NSD1: variants seen among roughly 807,000 people sequenced by gnomAD.
The protein encoded by NSD1 is nuclear receptor binding SET domain protein 1.
NSD1 carries 26 observed loss-of-function variants against 242.7 expected under a neutral mutation model. The observed-to-expected ratio is 0.11, with a 90% CI of 0.08 to 0.15. The LOEUF is 0.15. Among genes scored for constraint, NSD1 ranks in the 10% least tolerant of loss-of-function variants. The pLI is 1.00. For missense variants in NSD1, 2,495 were observed against 3,272.8 expected (o/e 0.76, Z 5.80); for synonymous variants, 1,106 against 1,178.1 (o/e 0.94, Z 1.25).
At chr5:177,214,352 TAAAC>T (rs988059901) in intron 5 of NSD1, among the ~76,000 whole-genome samples, 8 of 152,066 alleles carry the variant, frequency 5.3e-5, no homozygotes, top group Non-Finnish European at 7.4e-5. Flanking sequence ...CATTTCAAAA[TAAAC>T]AAACAAAAAA....
At position 177,294,690 on chromosome 5, in the gene NSD1, C is replaced by T. The variant is rs1463435220; in HGVS notation, c.7322C>T (p.Pro2441Leu). 1 of 1,614,238 alleles carries T rather than the reference C, an allele frequency of 6.2e-7. No individual in the cohort carries two copies. Among genetic ancestry groups the T allele is most frequent in the African/African-American group, 1.3e-5 (1 of 75,060 alleles). ...GTAGCTAAAGAAAAAGCACTGAGGC[C>T]TGTGGACCAGAATACTCAGTCAAAA... Reference protein sequence around the residue: ...TLVAKEKALRPVDQNTQSKNR... With the variant: ...TLVAKEKALRLVDQNTQSKNR... The change falls in exon 23 of 23, where the codon CCT becomes CTT. Residue 2441 changes from proline (P) to leucine (L), a missense_variant. Physicochemically the swap from Pro to Leu is moderately conservative, Grantham distance 98. This residue lies in a region of NSD1 where 475 missense variants were observed against 563.7 expected (regional missense o/e 0.84). Coordinates refer to ENST00000439151, the MANE Select transcript of NSD1 (RefSeq NM_022455.5).
chr5:177,236,819 A>G (rs1180117416), intron 6 of NSD1, among the ~76,000 whole-genome samples: 1 of 152,220 alleles, frequency 6.6e-6, no homozygotes, highest in Non-Finnish European at 1.5e-5. Context: ...TTTTATTCCC[A>G]TCAGCCATTC....
upstream of NSD1, among the ~76,000 whole-genome samples, chr5:177,132,864 G>A (rs925477458): frequency 6.6e-6 from 1 of 152,132 alleles, no homozygotes; most frequent in South Asian, 2.1e-4. This position sits in a 1 kb window ranked among gnomAD's most constrained non-coding sequence, Gnocchi z 7.5. Flanking sequence ...GCAGGGCCGA[G>A]TCCCCGGCCC....
intron 2 of NSD1, among the ~76,000 whole-genome samples, chr5:177,189,148 A>AT (rs1761477285): frequency 6.6e-6 from 1 of 152,206 alleles, no homozygotes; most frequent in Non-Finnish European, 1.5e-5. Flanking sequence ...GGGGCTTAAA[A>AT]TACTGGGAGC....
chr5:177,199,586 T>A (rs1762357669), intron 3 of NSD1, among the ~76,000 whole-genome samples: 1 of 150,626 alleles, frequency 6.6e-6, no homozygotes, highest in African/African-American at 2.5e-5. Flanking sequence ...AATATTTTCT[T>A]TTCTTTTCTT....
chr5:177,180,977 G>A (rs111925441), intron 2 of NSD1, among the ~76,000 whole-genome samples: 6,099 of 151,814 alleles, frequency 0.04, 382 homozygotes, highest in African/African-American at 0.14. Flanking sequence ...CACCGTGCCC[G>A]GCTGATGATG....
intron 2 of NSD1, among the ~76,000 whole-genome samples, chr5:177,144,454 TC>T (rs1757074345): frequency 6.6e-6 from 1 of 152,182 alleles, no homozygotes; most frequent in South Asian, 2.1e-4. Flanking sequence ...GTTGACAGTT[TC>T]CATTTTTAAT....
intron 2 of NSD1, among the ~76,000 whole-genome samples, chr5:177,176,096 G>T (rs1372680843): frequency 6.6e-6 from 1 of 152,072 alleles, no homozygotes; most frequent in East Asian, 1.9e-4. Context: ...GGCTGGTCTC[G>T]AACTCCTGAC....
intron 2 of NSD1, among the ~76,000 whole-genome samples, chr5:177,158,241 C>CTTTCTTTCT (rs1554172267): frequency 2.8e-4 from 11 of 39,212 alleles, no homozygotes; most frequent in Non-Finnish European, 4.3e-4. Flanking sequence ...GTTCTAATTT[C>CTTTCTTTCT]TTTCTTTCTT....
At chr5:177,155,565 T>TG (rs1758062237) in intron 2 of NSD1, among the ~76,000 whole-genome samples, 1 of 149,868 alleles carries the variant, frequency 6.7e-6, no homozygotes, top group African/African-American at 2.5e-5. Flanking sequence ...CACTGGCTTT[T>TG]TTTTTTTTTT....
chr5:177,286,216 A>G (rs1346453171), intron 20 of NSD1, among the ~76,000 whole-genome samples: 1 of 152,154 alleles, frequency 6.6e-6, no homozygotes, highest in Non-Finnish European at 1.5e-5. Flanking sequence ...TTTTTTCTCT[A>G]CAATTTAAAT....
chr5:177,173,466 C>CTTTTTTTTTT (rs768982432), intron 2 of NSD1, among the ~76,000 whole-genome samples: 4 of 62,172 alleles, frequency 6.4e-5, no homozygotes, highest in African/African-American at 1.5e-4. Context: ...TACTATCTGG[C>CTTTTTTTTTT]TTTTTTTTTT....
intron 9 of NSD1, 95 bp downstream of exon 9, chr5:177,244,365 C>G (rs1263403595): frequency 1.0e-5 from 9 of 869,108 alleles, no homozygotes; most frequent in African/African-American, 1.7e-5. Context: ...GTAAGCCCGA[C>G]CAGTGAGGTA....
At chr5:177,257,216 T>A (rs1320152242) in intron 13 of NSD1, 65 bp downstream of exon 13, 5 of 1,291,686 alleles carry the variant, frequency 3.9e-6, no homozygotes, top group Non-Finnish European at 4.3e-6. Flanking sequence ...ACAGATATTT[T>A]CTTTTTTCTT....
intron 10 of NSD1, chr5:177,247,939 G>T: frequency 6.1e-6 from 6 of 985,406 alleles, no homozygotes; most frequent in Non-Finnish European, 7.2e-6. Context: ...CCTTAAAATG[G>T]AACAGCTCAG....
At chr5:177,265,664 T>TTGGGCCGCATGCCGA (rs1184036593) in intron 14 of NSD1, 11 of 1,609,398 alleles carry the variant, frequency 6.8e-6, no homozygotes, top group Admixed American at 1.7e-5. Context: ...GTTCTTGGCG[T>TTGGGCCGCATGCCGA]TGGGCCGCAT....
At chr5:177,253,008 G>A (rs1439170557) in intron 12 of NSD1, among the ~76,000 whole-genome samples, 2 of 152,118 alleles carry the variant, frequency 1.3e-5, no homozygotes, top group Non-Finnish European at 2.9e-5. Context: ...ACTGGAAGGA[G>A]AGGAGGAGCT....
intron 5 of NSD1, among the ~76,000 whole-genome samples, chr5:177,226,873 T>C (rs1764673847): frequency 6.6e-6 from 1 of 152,220 alleles, no homozygotes; most frequent in African/African-American, 2.4e-5. Context: ...AGTTTTGATA[T>C]GAATGAAGCT....
intron 17 of NSD1, among the ~76,000 whole-genome samples, chr5:177,277,681 C>T (rs1050026302): frequency 1.3e-5 from 2 of 151,706 alleles, no homozygotes; most frequent in Non-Finnish European, 2.9e-5. Context: ...GCCTGGGCAA[C>T]ATAGCAAAAC....
Sources: allele counts gnomAD v4.1 joint callset (sites outside exome capture counted in the v4.1 genomes callset), GRCh38; gene constraint gnomAD v4.1.1; regional missense constraint gnomAD v4.1.1; non-coding constraint Gnocchi (gnomAD v3.1); transcripts MANE v1.5; gene names NCBI Gene and HGNC (gene_info 2026-07-23, HGNC 2026-07-21).